Variants in AUTS2 observed in about 807,000 individuals in gnomAD.
AUTS2 encodes activator of transcription and developmental regulator AUTS2, also known as autism susceptibility gene 2 protein.
A neutral mutation model predicts 112.4 loss-of-function variants in AUTS2; 17 were observed. The ratio of observed to expected loss-of-function variants is 0.15; its 90% CI spans 0.10 to 0.23. The LOEUF (loss-of-function observed/expected upper bound fraction) is 0.23. Ranked by LOEUF, AUTS2 falls within the 10% of genes least tolerant of loss-of-function variation. The pLI, the probability that AUTS2 is intolerant of heterozygous loss-of-function variation, is 1.00. For synonymous variants in AUTS2, 751 were observed against 702.7 expected (o/e 1.07, Z -1.09); for missense variants, 1,510 against 1,701.6 (o/e 0.89, Z 1.98).
chr7:69,783,632 G>A (rs1789241416), intron 1 of AUTS2, among the ~76,000 whole-genome samples: 2 of 152,194 alleles, frequency 1.3e-5, no homozygotes, highest in Admixed American at 1.3e-4. Flanking sequence ...ATAAAATGAG[G>A]GCAAAGGAAA....
At chr7:70,134,628 T>C in intron 4 of AUTS2, 57 bp downstream of exon 4, 6 of 1,468,300 alleles carry the variant, frequency 4.1e-6, no homozygotes, top group Non-Finnish European at 5.7e-6. Context: ...TTTCCTTCTA[T>C]AATGAATGCT....
chr7:70,256,877 A>T (rs1364364611), intron 4 of AUTS2, among the ~76,000 whole-genome samples: 1 of 149,902 alleles, frequency 6.7e-6, no homozygotes, highest in South Asian at 2.1e-4. Flanking sequence ...GTGTAGAGCT[A>T]AGGGAAGGAG....
intron 2 of AUTS2, among the ~76,000 whole-genome samples, chr7:69,935,161 A>G (rs907688024): frequency 1.4e-5 from 2 of 139,522 alleles, no homozygotes; most frequent in Non-Finnish European, 3.1e-5. Context: ...AGCTATGTGT[A>G]TAAAGGACTC....
At chr7:69,805,605 T>C (rs78004119) in intron 1 of AUTS2, among the ~76,000 whole-genome samples, 18 of 152,320 alleles carry the variant, frequency 1.2e-4, no homozygotes, top group African/African-American at 3.4e-4. Context: ...TGCAAATTCT[T>C]ATGGAATATT....
At chr7:70,363,465 G>GAAA (rs369462886) in intron 4 of AUTS2, among the ~76,000 whole-genome samples, 1,136 of 110,760 alleles carry the variant, frequency 0.01, 8 homozygotes, top group Middle Eastern at 0.031. Flanking sequence ...ATAAAAAAAA[G>GAAA]AAAAAAAAAA....
chr7:69,789,230 A>G (rs191012850), intron 1 of AUTS2, among the ~76,000 whole-genome samples: 383 of 152,274 alleles, frequency 2.5e-3, no homozygotes, highest in Non-Finnish European at 3.8e-3. Flanking sequence ...ATGGCTCTCA[A>G]ACTTCAATGC....
At chr7:69,717,957 A>T (rs1487672854) in intron 1 of AUTS2, among the ~76,000 whole-genome samples, 1 of 152,172 alleles carries the variant, frequency 6.6e-6, no homozygotes, top group Non-Finnish European at 1.5e-5. Context: ...GAGGCCAAAG[A>T]TTTCATCTGA....
At chr7:70,088,526 T>C (rs200080031) in intron 2 of AUTS2, among the ~76,000 whole-genome samples, 1 of 128,590 alleles carries the variant, frequency 7.8e-6, no homozygotes, top group Non-Finnish European at 1.6e-5. Context: ...ACTTTTGCTC[T>C]CTTTTTTTTT....
At chr7:70,243,768 C>T (rs1483067018) in intron 4 of AUTS2, among the ~76,000 whole-genome samples, 1 of 151,990 alleles carries the variant, frequency 6.6e-6, no homozygotes, top group Non-Finnish European at 1.5e-5. Flanking sequence ...AAGGGTAATG[C>T]TACAAATCTT....
chr7:70,451,650 G>A (rs1796538845), intron 5 of AUTS2, among the ~76,000 whole-genome samples: 1 of 152,136 alleles, frequency 6.6e-6, no homozygotes. Context: ...CTGGATGAAA[G>A]GATGTTAAAT....
At chr7:69,929,313 C>T (rs887577343) in intron 2 of AUTS2, among the ~76,000 whole-genome samples, 5 of 151,818 alleles carry the variant, frequency 3.3e-5, no homozygotes, top group Non-Finnish European at 5.9e-5. Flanking sequence ...TGCTTTTGAG[C>T]ATTTGGTTAC....
chr7:70,141,602 CTG>C (rs1222017382), intron 4 of AUTS2, among the ~76,000 whole-genome samples: 1 of 152,164 alleles, frequency 6.6e-6, no homozygotes, highest in Admixed American at 6.5e-5. Context: ...CTACCCTTAA[CTG>C]TGTTTTTTCC....
intron 15 of AUTS2, 85 bp from the exon 16 acceptor site, chr7:70,784,857 C>A: frequency 8.2e-7 from 1 of 1,215,756 alleles, no homozygotes; most frequent in Non-Finnish European, 1.2e-6. Flanking sequence ...TATTTTCTCA[C>A]GGGGCCCTTA....
At chr7:70,283,077 GA>G in intron 4 of AUTS2, among the ~76,000 whole-genome samples, 1 of 152,140 alleles carries the variant, frequency 6.6e-6, no homozygotes, top group Non-Finnish European at 1.5e-5. Flanking sequence ...TTGGAATCCT[GA>G]AAAAGCTACT....
chr7:70,070,890 AAAAG>A (rs1381991921), intron 2 of AUTS2, among the ~76,000 whole-genome samples: 9 of 151,858 alleles, frequency 5.9e-5, no homozygotes, highest in East Asian at 1.9e-4. Context: ...AAAAAAAAAA[AAAAG>A]AAAGGGAGAG....
chr7:70,335,534 A>G (rs1490237704), intron 4 of AUTS2, among the ~76,000 whole-genome samples: 2 of 152,180 alleles, frequency 1.3e-5, no homozygotes, highest in African/African-American at 4.8e-5. Flanking sequence ...CTTCCAGCAT[A>G]CTATTAACCT....
intron 2 of AUTS2, among the ~76,000 whole-genome samples, chr7:70,085,097 G>A (rs868573281): frequency 1.3e-5 from 2 of 152,108 alleles, no homozygotes; most frequent in Admixed American, 6.5e-5. Flanking sequence ...GGCTGTTCTC[G>A]AACTTCTGAG....
intron 5 of AUTS2, among the ~76,000 whole-genome samples, chr7:70,500,172 CAAAAAAA>C: frequency 9.4e-6 from 1 of 106,844 alleles, no homozygotes; most frequent in African/African-American, 3.3e-5. Context: ...TGGTGGTCTT[CAAAAAAA>C]AAAAAAAACA....
At chr7:70,709,359 A>C (rs1487861298) in intron 6 of AUTS2, among the ~76,000 whole-genome samples, 1 of 152,148 alleles carries the variant, frequency 6.6e-6, no homozygotes, top group African/African-American at 2.4e-5. Context: ...ATCATGAGAA[A>C]CTGGGGGGTG....
Sources: gnomAD v4.1 joint callset for allele counts (sites outside exome capture counted in the v4.1 genomes callset) on GRCh38, gnomAD v4.1.1 for gene constraint, MANE v1.5 for transcripts, NCBI Gene and HGNC (gene_info 2026-07-23, HGNC 2026-07-21) for gene names.